PDE11A: variants seen among roughly 807,000 people sequenced by gnomAD.
PDE11A encodes the protein phosphodiesterase 11A.
A neutral mutation model predicts 100.5 loss-of-function variants in PDE11A; 100 were observed. The observed-to-expected ratio is 1.00, with a 90% CI of 0.85 to 1.18. The LOEUF is 1.18. PDE11A is among the 50% of genes most tolerant of loss of function. The probability of loss-of-function intolerance (pLI) is 0.00; values close to 1 mark genes in which losing one functional copy is unlikely to be tolerated. For synonymous variants in PDE11A, 381 were observed against 420.8 expected, an observed-to-expected ratio of 0.91 and a Z score of 1.16; for missense variants, 1,141 against 1,152.6, an observed-to-expected ratio of 0.99 and a Z score of 0.15.
intron 2 of PDE11A, chr2:177,998,403 C>T (rs2086103591): frequency 2.3e-6 from 2 of 878,956 alleles, no homozygotes; most frequent in East Asian, 2.4e-5. Context: ...GTTAAATATA[C>T]TCAACAGGGC....
chr2:177,752,824 A>G (rs900654556), intron 10 of PDE11A, among the ~76,000 whole-genome samples: 1 of 152,242 alleles, frequency 6.6e-6, no homozygotes, highest in African/African-American at 2.4e-5. Context: ...GGTTCACAGG[A>G]ATGATATTCA....
intron 16 of PDE11A, among the ~76,000 whole-genome samples, 193 bp downstream of exon 16, chr2:177,680,632 CA>C (rs2080848548): frequency 6.6e-6 from 1 of 151,996 alleles, no homozygotes; most frequent in Non-Finnish European, 1.5e-5. Flanking sequence ...ATTTTTGAGA[CA>C]AAAATAAATT....
chr2:177,741,985 T>C (rs1029313539), intron 10 of PDE11A, among the ~76,000 whole-genome samples: 3 of 147,612 alleles, frequency 2.0e-5, no homozygotes, highest in Admixed American at 6.8e-5. Flanking sequence ...TGAGCTAGGA[T>C]CACAACACTG....
chr2:177,645,565 T>A (rs1233613292), intron 19 of PDE11A, among the ~76,000 whole-genome samples: 1 of 152,218 alleles, frequency 6.6e-6, no homozygotes, highest in Non-Finnish European at 1.5e-5. Context: ...TTCTAGATTA[T>A]TTTTATTTTT....
At position 177,875,853 on chromosome 2, in the gene PDE11A, C is replaced by A; in HGVS notation, c.1367+6G>T. 6.2e-7 allele frequency: 1 copy of A among 1,600,616 alleles called. No homozygotes were observed. Among genetic ancestry groups the A allele is most frequent in the Non-Finnish European group, 8.6e-7 (1 of 1,167,704 alleles). On this transcript the variant is annotated splice_donor_region_variant and intron_variant, in intron 5 of 19. Coordinates refer to ENST00000286063, the MANE Select transcript of PDE11A (RefSeq NM_016953.4). ...TCAAAAGACCCATGAACCCCACAAG[C>A]CCTACCTGTTCTCAGCATCAGCACT... is the stretch of plus-strand genomic sequence containing the variant.
rs1487516582 is a variant in PDE11A at position 177,625,650 on chromosome 2, C to T, written c.*3757G>A. The T allele has an allele frequency of 6.6e-6, 1 of 152,166 alleles. No individual in the cohort carries two copies. Among genetic ancestry groups the T allele is most frequent in the Non-Finnish European group, 1.5e-5 (1 of 68,028 alleles). The allele number at this position is 152,166 out of a possible 1,614,324, so 9.4% of individuals were successfully genotyped here. On this transcript the variant is annotated 3_prime_UTR_variant, in exon 20 of 20. Coordinates refer to ENST00000286063, the MANE Select transcript of PDE11A (RefSeq NM_016953.4). The stretch of plus-strand genomic sequence containing the variant: ...ATAATCTGGTCAGTTTGAGTTTTTA[C>T]AAGAAGGCTCATATTTCAAATGTCT...
Position 177,899,408 on chromosome 2 carries a change from A to AAAAC in PDE11A, c.1162-1214_1162-1211dup, listed in dbSNP as rs552260331. On this transcript the variant is annotated intron_variant, in intron 3 of 19. Coordinates refer to ENST00000286063, the MANE Select transcript of PDE11A (RefSeq NM_016953.4). ...GACAACAGAGTGAGACTCTTTCTAA[A>AAAAC]AAACAAACAAACAAACAATAACAAC... 6.1e-3 allele frequency: 1,150 copies of AAAAC among 188,718 alleles called. 8 individuals are homozygous for AAAAC. The highest frequency in any genetic ancestry group is 9.9e-3 in the Non-Finnish European group (835 of 84,340). The allele number at this position is 188,718 out of a possible 1,614,324, so 11.7% of individuals were successfully genotyped here. A position where few individuals can be genotyped will look rare whatever the true frequency, so the allele number is the denominator to read the frequency against.
At chr2:177,862,032 C>T (rs1011856237) in intron 5 of PDE11A, among the ~76,000 whole-genome samples, 2 of 151,810 alleles carry the variant, frequency 1.3e-5, no homozygotes, top group South Asian at 2.1e-4. Context: ...GATATAATAC[C>T]AAAAGCACAA....
rs75833102 is a variant in PDE11A, at chr2:177,898,291, A to G, written c.1162-93T>C. On this transcript the variant is annotated intron_variant, in intron 3 of 19. Coordinates refer to ENST00000286063, the MANE Select transcript of PDE11A (RefSeq NM_016953.4). ...AATTTAATCTTTGCTTCAATAAAAT[A>G]TAGTAAATCTTTTTGTGTAGCTAAT... 2,251 of 804,784 alleles carry G rather than the reference A, an allele frequency of 2.8e-3. 33 individuals carry two copies. In the African/African-American group the frequency reaches 0.035, roughly 12 times the overall value. The allele number at this position is 804,784 out of a possible 1,614,324, so 49.9% of individuals were successfully genotyped here.
chr2:177,955,366 G>A lies in PDE11A; in HGVS notation c.1072-50179C>T, dbSNP rs546934000. ...ACCCACAATTCCCTGAGAGTTCACAGATCCCAGGTTAAGAAGTCCTGCTTT... is the reference window on the plus strand; with the variant it reads ...ACCCACAATTCCCTGAGAGTTCACAAATCCCAGGTTAAGAAGTCCTGCTTT... On this transcript the variant is annotated intron_variant, in intron 2 of 19. Transcript: ENST00000286063. 2.0e-5 allele frequency among the ~76,000 whole-genome samples: 3 copies of A among 152,316 alleles called. No individual in the cohort carries two copies. The South Asian group carries it at 6.2e-4, about 32-fold the overall frequency.
chr2:178,003,488 T>C (rs974473191), intron 2 of PDE11A, among the ~76,000 whole-genome samples: 3 of 152,064 alleles, frequency 2.0e-5, no homozygotes, highest in African/African-American at 7.2e-5. Flanking sequence ...TTATATGAAT[T>C]GTCCAAAACT....
intron 2 of PDE11A, among the ~76,000 whole-genome samples, chr2:178,085,013 C>T (rs1317279503): frequency 6.6e-6 from 1 of 152,080 alleles, no homozygotes; most frequent in African/African-American, 2.4e-5. Context: ...TGGGAATGTC[C>T]ATATAGGTAC....
intron 19 of PDE11A, among the ~76,000 whole-genome samples, chr2:177,638,002 T>A (rs866937517): frequency 0.053 from 5,109 of 97,280 alleles, 321 homozygotes; most frequent in Middle Eastern, 0.079. Flanking sequence ...TATATATTTT[T>A]TTTTTTTTTT....
At position 177,653,385 on chromosome 2, in the gene PDE11A, C is replaced by T. The variant is rs148704478; in HGVS notation, c.2646+10481G>A. On this transcript the variant is annotated intron_variant, in intron 19 of 19. Transcript: ENST00000286063. ...GGGAGATTCCTGAGATCCCATTTAC[C>T]AACTTCTAACCTTTCTTTCCCTCTT... Among the ~76,000 whole-genome samples, 738 of 152,294 alleles carry T rather than the reference C, an allele frequency of 4.8e-3. 4 individuals carry two copies. Among genetic ancestry groups the T allele is most frequent in the East Asian group, 0.029 (151 of 5,180 alleles).
intron 13 of PDE11A, among the ~76,000 whole-genome samples, chr2:177,701,605 C>T (rs1376579473): frequency 2.0e-5 from 3 of 152,080 alleles, no homozygotes; most frequent in African/African-American, 7.2e-5. Flanking sequence ...TATGGACGTT[C>T]TGAGGAAAAA....
intron 2 of PDE11A, among the ~76,000 whole-genome samples, chr2:177,909,066 A>T (rs80319935): frequency 0.019 from 2,841 of 152,290 alleles, 52 homozygotes; most frequent in South Asian, 0.046. Context: ...GAAAAGCAAC[A>T]CCACAATCTT....
In PDE11A at chr2:177,927,042, T is replaced by G. The variant is rs552659148; in HGVS notation, c.1072-21855A>C. ...TGTCCCCAGCAACTCCCTACTGCCTTCAGGTCAGGGCATTCCTGGACCTTC... is the reference window on the plus strand; with the variant it reads ...TGTCCCCAGCAACTCCCTACTGCCTGCAGGTCAGGGCATTCCTGGACCTTC... On this transcript the variant is annotated intron_variant, in intron 2 of 19. Coordinates refer to ENST00000286063, the MANE Select transcript of PDE11A (RefSeq NM_016953.4). 3 of 152,368 alleles carry G rather than the reference T, an allele frequency of 2.0e-5. No individual in the cohort carries two copies. In the South Asian group the frequency reaches 6.2e-4, roughly 32 times the overall value. The allele number at this position is 152,368 out of a possible 1,614,324, so 9.4% of individuals were successfully genotyped here. A position where few individuals can be genotyped will look rare whatever the true frequency, so the allele number is the denominator to read the frequency against.
In PDE11A at chr2:177,819,890, C is replaced by CTCTCTCTCTCTCTCTCTCTCTCTG. The variant is rs1558954590; in HGVS notation, c.1576+329_1576+330insCAGAGAGAGAGAGAGAGAGAGAGA. 3.1e-3 allele frequency among the ~76,000 whole-genome samples: 430 copies of CTCTCTCTCTCTCTCTCTCTCTCTG among 138,354 alleles called. 4 individuals are homozygous for CTCTCTCTCTCTCTCTCTCTCTCTG. The highest frequency in any genetic ancestry group is 0.011 in the African/African-American group (370 of 33,104). The allele number at this position is 138,354 out of a possible 152,430, so 90.8% of individuals were successfully genotyped here. ...TCTTTCTCTCTCTCTCTCTCTCTCTCTCTCTGTCTCTGTCTCTCTCTGGCT... is the reference window on the plus strand; with the variant it reads ...TCTTTCTCTCTCTCTCTCTCTCTCTCTCTCTCTCTCTCTCTCTCTCTCTGTCTCTGTCTCTGTCTCTCTCTGGCT... On this transcript the variant is annotated intron_variant, in intron 7 of 19. Coordinates refer to ENST00000286063, the MANE Select transcript of PDE11A (RefSeq NM_016953.4).
chr2:177,854,156 T>TTATTATGCTTGATCTCAG (rs1401533104), intron 5 of PDE11A, among the ~76,000 whole-genome samples: 19 of 151,950 alleles, frequency 1.3e-4, no homozygotes, highest in Non-Finnish European at 2.4e-4. Context: ...ATAGGCTACT[T>TTATTATGCTTGATCTCAG]TATTATGCTT....
Sources: allele counts gnomAD v4.1 joint callset (sites outside exome capture counted in the v4.1 genomes callset), GRCh38; gene constraint gnomAD v4.1.1; transcripts MANE v1.5; gene names NCBI Gene and HGNC (gene_info 2026-07-23, HGNC 2026-07-21).